Variants in MCCC2 observed in about 807,000 individuals in gnomAD.
MCCC2 encodes methylcrotonoyl-CoA carboxylase beta chain, mitochondrial.
MCCC2 carries 52 observed loss-of-function variants against 77.2 expected under a neutral mutation model. The ratio of observed to expected loss-of-function variants is 0.67; its 90% CI spans 0.54 to 0.85. The LOEUF (loss-of-function observed/expected upper bound fraction) is 0.85. Among genes scored for constraint, MCCC2 ranks in the 40% least tolerant of loss-of-function variants. MCCC2 has a pLI of 0.00. For missense variants in MCCC2, 682 were observed against 703.2 expected, an observed-to-expected ratio of 0.97 and a Z score of 0.34; for synonymous variants, 253 against 248.4, an observed-to-expected ratio of 1.02 and a Z score of -0.18.
chr5:71,650,784 G>C (rs1747416865), intron 15 of MCCC2, among the ~76,000 whole-genome samples: 1 of 152,160 alleles, frequency 6.6e-6, no homozygotes, highest in South Asian at 2.1e-4. Flanking sequence ...GAGTAGCTGG[G>C]ACTACAGGTG....
At chr5:71,593,112 G>A in intron 2 of MCCC2, 120 bp downstream of exon 2, 3 of 835,258 alleles carry the variant, frequency 3.6e-6, no homozygotes, top group Non-Finnish European at 5.8e-6. Flanking sequence ...TTTTGAGATG[G>A]AGTCTTGCTC....
intron 1 of MCCC2, among the ~76,000 whole-genome samples, chr5:71,591,872 T>C (rs1201175077): frequency 6.6e-6 from 1 of 152,200 alleles, no homozygotes; most frequent in African/African-American, 2.4e-5. Flanking sequence ...TCCACCTTAG[T>C]TGGTCAAGTC....
intron 10 of MCCC2, among the ~76,000 whole-genome samples, chr5:71,637,652 C>G (rs1746976010): frequency 6.6e-6 from 1 of 152,194 alleles, no homozygotes; most frequent in South Asian, 2.1e-4. Flanking sequence ...GCCACACTGA[C>G]TGACTCTTGC....
rs116384281 is a variant in MCCC2, at chr5:71,641,132, A to G, written c.1072+57A>G. 1.2e-3 allele frequency: 1,757 copies of G among 1,500,212 alleles called. 24 individuals carry two copies. The African/African-American group carries it at 0.02, about 17-fold the overall frequency. 92.9% of individuals were successfully genotyped at this position (1,500,212 alleles called of 1,614,324 possible). A position where few individuals can be genotyped will look rare whatever the true frequency, so the allele number is the denominator to read the frequency against. Reference sequence around the variant, plus strand: ...TTTTCTGCTGCTTTGAAAATCAGGAATCTCTTGTTTCAAGACTTTGATACA... The same window carrying G: ...TTTTCTGCTGCTTTGAAAATCAGGAGTCTCTTGTTTCAAGACTTTGATACA... On this transcript the variant is annotated intron_variant, in intron 11 of 16. Coordinates refer to ENST00000340941, the MANE Select transcript of MCCC2 (RefSeq NM_022132.5).
At chr5:71,634,316 C>G (rs1277703069) in intron 8 of MCCC2, among the ~76,000 whole-genome samples, 1 of 152,176 alleles carries the variant, frequency 6.6e-6, no homozygotes, top group African/African-American at 2.4e-5. Flanking sequence ...CTTCCATGGC[C>G]CCTGCCACAG....
chr5:71,627,451 G>A (rs1393051839), intron 7 of MCCC2, among the ~76,000 whole-genome samples: 4 of 152,114 alleles, frequency 2.6e-5, no homozygotes, highest in African/African-American at 9.7e-5. Flanking sequence ...CCATTGTATG[G>A]TTATGCTGTG....
Position 71,626,765 on chromosome 5 carries a change from A to G in MCCC2, c.738+12A>G, listed in dbSNP as rs1183102984. 1 of 1,608,912 alleles carries G rather than the reference A, an allele frequency of 6.2e-7. No individual in the cohort carries two copies. Among genetic ancestry groups the G allele is most frequent in the African/African-American group, 1.3e-5 (1 of 74,822 alleles). ...CAGGACCCCCCTTGGTAAGAACATA[A>G]GAACGTTGGTCGATGGAAATTAAGT... On this transcript the variant is annotated intron_variant, in intron 7 of 16. Coordinates refer to ENST00000340941, the MANE Select transcript of MCCC2 (RefSeq NM_022132.5).
intron 8 of MCCC2, among the ~76,000 whole-genome samples, chr5:71,632,571 C>T (rs1159701599): frequency 6.6e-6 from 1 of 152,040 alleles, no homozygotes; most frequent in Non-Finnish European, 1.5e-5. Context: ...GGCTGATACG[C>T]GATAAGGCTT....
At chr5:71,609,944 T>G (rs1745856986) in intron 6 of MCCC2, among the ~76,000 whole-genome samples, 1 of 152,052 alleles carries the variant, frequency 6.6e-6, no homozygotes, top group African/African-American at 2.4e-5. Flanking sequence ...TCCAGCTGTG[T>G]GCTGGGAGAA....
chr5:71,622,715 T>G (rs1337468024), intron 6 of MCCC2, among the ~76,000 whole-genome samples: 1 of 152,214 alleles, frequency 6.6e-6, no homozygotes, highest in African/African-American at 2.4e-5. Flanking sequence ...CATAATGGTT[T>G]CCTGGTCTTG....
In MCCC2 at chr5:71,625,024, T is replaced by C. The variant is rs565492323; in HGVS notation, c.625-1616T>C. ...AACTACATTTCAACACAATAATTCC[T>C]CTTCCTCTGTTTCCTCCCTGACCTG... On this transcript the variant is annotated intron_variant, in intron 6 of 16. Coordinates refer to ENST00000340941, the MANE Select transcript of MCCC2 (RefSeq NM_022132.5). 2.0e-5 allele frequency among the ~76,000 whole-genome samples: 3 copies of C among 152,066 alleles called. 1 individual carries two copies. The South Asian group carries it at 6.2e-4, about 32-fold the overall frequency.
intron 6 of MCCC2, among the ~76,000 whole-genome samples, chr5:71,616,156 A>G (rs1482027012): frequency 6.6e-6 from 1 of 152,070 alleles, no homozygotes; most frequent in African/African-American, 2.4e-5. Flanking sequence ...ACCTTTGCAG[A>G]CTCGCCTTAT....
intron 1 of MCCC2, among the ~76,000 whole-genome samples, chr5:71,589,571 A>G (rs1430201109): frequency 6.6e-6 from 1 of 152,252 alleles, no homozygotes; most frequent in Non-Finnish European, 1.5e-5. Context: ...CTGGCATGTG[A>G]TGAAATTAAT....
chr5:71,603,151 G>A (rs1419451048), intron 5 of MCCC2: 2 of 160,178 alleles, frequency 1.2e-5, no homozygotes, highest in East Asian at 3.7e-4. Flanking sequence ...GGTGGCTCAC[G>A]CCTGTAATCC....
At chr5:71,598,722 C>T (rs1745294948) in intron 3 of MCCC2, among the ~76,000 whole-genome samples, 1 of 149,906 alleles carries the variant, frequency 6.7e-6, no homozygotes. Flanking sequence ...TCCCAAAGTG[C>T]TGAGATTACA....
At chr5:71,602,828 A>G in intron 5 of MCCC2, 195 bp downstream of exon 5, 1 of 717,772 alleles carries the variant, frequency 1.4e-6, no homozygotes, top group Non-Finnish European at 2.2e-6. Flanking sequence ...GTACTAGTGC[A>G]TAATACTCAT....
intron 4 of MCCC2, 122 bp from the exon 5 acceptor site, chr5:71,602,384 A>T: frequency 8.3e-7 from 1 of 1,210,596 alleles, no homozygotes; most frequent in Non-Finnish European, 1.2e-6. Flanking sequence ...CTGTCTGCTA[A>T]TGGATGTTAA....
At chr5:71,636,118 A>G (rs1746919072) in intron 10 of MCCC2, 2 of 418,168 alleles carry the variant, frequency 4.8e-6, no homozygotes, top group African/African-American at 4.1e-5. Context: ...TCTTCATGAA[A>G]TATTTTCTAC....
chr5:71,656,001 G>A (rs576853243), intron 16 of MCCC2, among the ~76,000 whole-genome samples: 1 of 152,296 alleles, frequency 6.6e-6, no homozygotes, highest in East Asian at 1.9e-4. Context: ...GATCACCTGA[G>A]GTCAGGAGTT....
Sources: gnomAD v4.1 joint callset for allele counts (sites outside exome capture counted in the v4.1 genomes callset) on GRCh38, gnomAD v4.1.1 for gene constraint, MANE v1.5 for transcripts, NCBI Gene and HGNC (gene_info 2026-07-23, HGNC 2026-07-21) for gene names.